The following STAM variants were observed in gnomAD, a reference collection of about 807,000 sequenced individuals.
STAM encodes the protein signal transducing adaptor molecule, also known as signal transducing adapter molecule 1.
In STAM, 16 loss-of-function variants were observed where a neutral mutation model predicts 63.4. That is an observed-to-expected ratio of 0.25 (90% CI 0.17 to 0.38). The LOEUF is 0.38. Among genes scored for constraint, STAM ranks in the 10% least tolerant of loss-of-function variants. The pLI is 1.00. For synonymous variants in STAM, 238 were observed against 223.9 expected (o/e 1.06, Z -0.56); for missense variants, 636 against 657.1 (o/e 0.97, Z 0.35).
At chr10:17,669,525 C>T (rs1443401308) in intron 2 of STAM, among the ~76,000 whole-genome samples, 7 of 151,828 alleles carry the variant, frequency 4.6e-5, no homozygotes, top group Non-Finnish European at 7.4e-5. Context: ...TCTTCCTATC[C>T]GAGAACATAG....
At chr10:17,712,810 T>C (rs74118021) in intron 13 of STAM, among the ~76,000 whole-genome samples, 11,433 of 152,166 alleles carry the variant, frequency 0.075, 455 homozygotes, top group Middle Eastern at 0.13. Flanking sequence ...CTTTCTTTTT[T>C]TAATGGGAGC....
intron 2 of STAM, among the ~76,000 whole-genome samples, chr10:17,676,471 TTCTTTGTCTGG>T (rs1371618526): frequency 6.6e-5 from 10 of 152,230 alleles, no homozygotes; most frequent in African/African-American, 2.4e-4. Flanking sequence ...GCAAAGTCTG[TTCTTTGTCTGG>T]TCTGTGATTT....
At chr10:17,666,639 T>C (rs1459716422) in intron 2 of STAM, among the ~76,000 whole-genome samples, 5 of 152,106 alleles carry the variant, frequency 3.3e-5, no homozygotes, top group African/African-American at 4.8e-5. Flanking sequence ...CCTTGTGATC[T>C]GCCCGCCTTG....
intron 13 of STAM, among the ~76,000 whole-genome samples, chr10:17,714,294 G>C (rs139189758): frequency 6.6e-6 from 1 of 151,376 alleles, no homozygotes; most frequent in African/African-American, 2.4e-5. Flanking sequence ...TGGTGGTATA[G>C]ACTTATTTCC....
chr10:17,709,519 A>G (rs146581804), intron 13 of STAM, among the ~76,000 whole-genome samples: 95 of 152,286 alleles, frequency 6.2e-4, no homozygotes, highest in African/African-American at 2.2e-3. Flanking sequence ...TTACTTTGCC[A>G]TTTACTTACA....
intron 2 of STAM, among the ~76,000 whole-genome samples, chr10:17,673,783 A>G (rs1554824349): frequency 6.6e-6 from 1 of 152,260 alleles, no homozygotes; most frequent in Non-Finnish European, 1.5e-5. Context: ...TTCTCAGCAC[A>G]GCATCTAACA....
In STAM at chr10:17,685,069, T is replaced by C. The variant is rs1319390752; in HGVS notation, c.297+142T>C. The C allele has an allele frequency of 9.4e-6, 6 of 635,916 alleles. No individual in the cohort carries two copies. The Admixed American group carries it at 1.7e-4, about 18-fold the overall frequency. The allele number at this position is 635,916 out of a possible 1,614,324, so 39.4% of individuals were successfully genotyped here. Reference sequence around the variant, plus strand: ...TGTCTATCCAGTATATAAATAAATATTATGTTTTGTTGAAGAGACTGCGGA... The same window carrying C: ...TGTCTATCCAGTATATAAATAAATACTATGTTTTGTTGAAGAGACTGCGGA... On this transcript the variant is annotated intron_variant, in intron 4 of 13. Coordinates refer to ENST00000377524, the MANE Select transcript of STAM (RefSeq NM_003473.4).
intron 1 of STAM, among the ~76,000 whole-genome samples, chr10:17,657,287 G>C (rs1057184804): frequency 5.3e-5 from 8 of 152,186 alleles, no homozygotes. Context: ...GAGAGGCAAT[G>C]TGATAATTGC....
chr10:17,699,768 A>G (rs975178418), intron 8 of STAM, among the ~76,000 whole-genome samples: 7 of 150,276 alleles, frequency 4.7e-5, no homozygotes, highest in Non-Finnish European at 8.9e-5. Flanking sequence ...GTCAAACCAG[A>G]TTTTTTTTTT....
At chr10:17,694,382 C>T (rs891959387) in intron 6 of STAM, among the ~76,000 whole-genome samples, 11 of 151,930 alleles carry the variant, frequency 7.2e-5, no homozygotes, top group African/African-American at 2.4e-4. Context: ...GTTTTGTTTT[C>T]GTATTGTTTC....
At chr10:17,708,112 G>A (rs370965756) in intron 12 of STAM, among the ~76,000 whole-genome samples, 1 of 151,992 alleles carries the variant, frequency 6.6e-6, no homozygotes. Context: ...GGATGGTCTC[G>A]ATCTCCTGAC....
intron 2 of STAM, among the ~76,000 whole-genome samples, chr10:17,662,543 G>C (rs541360394): frequency 1.3e-5 from 2 of 152,286 alleles, no homozygotes; most frequent in African/African-American, 4.8e-5. Flanking sequence ...AAACCTAGTA[G>C]ATTTGTAGAA....
chr10:17,648,849 A>G (rs782574476), intron 1 of STAM, among the ~76,000 whole-genome samples: 8 of 152,116 alleles, frequency 5.3e-5, no homozygotes, highest in Non-Finnish European at 1.0e-4. Context: ...GGGAAATGCA[A>G]GTTTTTTTAT....
intron 2 of STAM, among the ~76,000 whole-genome samples, chr10:17,668,166 T>C (rs1834475400): frequency 6.6e-6 from 1 of 152,166 alleles, no homozygotes; most frequent in Non-Finnish European, 1.5e-5. Context: ...AGAGAGGCAG[T>C]GATCCAGTAG....
In STAM at chr10:17,656,154, C is replaced by T. The variant is rs868947707; in HGVS notation, c.41-4310C>T. On this transcript the variant is annotated intron_variant, in intron 1 of 13. Coordinates refer to ENST00000377524, the MANE Select transcript of STAM (RefSeq NM_003473.4). Reference sequence around the variant, plus strand: ...TAAAAATACAAAAAAATTAGCTGGACGTTGTGGCATGTGCCTGTAGTCCCA... The same window carrying T: ...TAAAAATACAAAAAAATTAGCTGGATGTTGTGGCATGTGCCTGTAGTCCCA... 1.6e-4 allele frequency among the ~76,000 whole-genome samples: 24 copies of T among 151,914 alleles called. No individual in the cohort carries two copies. The Middle Eastern group carries it at 0.01, about 65-fold the overall frequency.
Position 17,683,103 on chromosome 10 carries a change from T to A in STAM, c.126-1572T>A, listed in dbSNP as rs570621563. On this transcript the variant is annotated intron_variant, in intron 2 of 13. Transcript: ENST00000377524. ...TTTCTAGATGATTGGTTATGTTTCTTCTGTTTTCTCTTTCTGTCTTTTGTG... is the reference window on the plus strand; with the variant it reads ...TTTCTAGATGATTGGTTATGTTTCTACTGTTTTCTCTTTCTGTCTTTTGTG... 5.9e-5 allele frequency among the ~76,000 whole-genome samples: 9 copies of A among 152,336 alleles called. No homozygotes were observed. In the East Asian group the frequency reaches 1.7e-3, roughly 29 times the overall value.
intron 13 of STAM, among the ~76,000 whole-genome samples, chr10:17,712,876 G>T (rs183875685): frequency 2.0e-5 from 3 of 152,130 alleles, no homozygotes; most frequent in Middle Eastern, 3.4e-3. Flanking sequence ...CGGTGGGAGC[G>T]GTAGGGAAGC....
In STAM at chr10:17,695,219, A is replaced by T. The variant is rs1835707058; in HGVS notation, c.706A>T (p.Ile236Phe). 6.2e-7 allele frequency: 1 copy of T among 1,613,776 alleles called. No individual in the cohort carries two copies. The highest frequency in any genetic ancestry group is 1.1e-5 in the South Asian group (1 of 91,010). The stretch of plus-strand genomic sequence containing the variant: ...TGAACTTACTTTTAAAGCTGGAGAA[A>T]TTATTACAGTTCTTGATGACAGGTA... ...DNELTFKAGE[I>F]ITVLDDSDPN... The change falls in exon 7 of 14, where the codon ATT becomes TTT. Residue 236 changes from isoleucine (I) to phenylalanine (F), a missense_variant. Ile to Phe is a conservative substitution (Grantham distance 21, BLOSUM62 0). Transcript: ENST00000377524.
At chr10:17,711,815 G>A (rs1554830132) in intron 13 of STAM, among the ~76,000 whole-genome samples, 1 of 152,210 alleles carries the variant, frequency 6.6e-6, no homozygotes, top group Non-Finnish European at 1.5e-5. Flanking sequence ...TACCATCTTA[G>A]GGATAATGAA....
Sources: allele counts gnomAD v4.1 joint callset (sites outside exome capture counted in the v4.1 genomes callset), GRCh38; gene constraint gnomAD v4.1.1; transcripts MANE v1.5; gene names NCBI Gene and HGNC (gene_info 2026-07-23, HGNC 2026-07-21).